The following FRY variants were observed in gnomAD, a reference collection of about 807,000 sequenced individuals.
FRY encodes the protein protein furry homolog.
In FRY, 128 loss-of-function variants were observed where a neutral mutation model predicts 348.4. That is an observed-to-expected ratio of 0.37 (90% CI 0.32 to 0.43). The LOEUF (loss-of-function observed/expected upper bound fraction) is 0.43, where lower values mean the gene tolerates loss of function less well. Among genes scored for constraint, FRY ranks in the 20% least tolerant of loss-of-function variants. The pLI is 1.00. For synonymous variants in FRY, 1,370 were observed against 1,374.7 expected, an observed-to-expected ratio of 1.00 and a Z score of 0.08; for missense variants, 2,736 against 3,695.2, an observed-to-expected ratio of 0.74 and a Z score of 6.73.
chr13:32,144,269 T>C (rs1880267553), intron 11 of FRY, among the ~76,000 whole-genome samples: 2 of 151,084 alleles, frequency 1.3e-5, no homozygotes, highest in African/African-American at 4.9e-5. Context: ...AGCCAGGTTT[T>C]TTTTTCTCCA....
chr13:32,232,549 G>A (rs1224395942), intron 41 of FRY, among the ~76,000 whole-genome samples: 1 of 152,218 alleles, frequency 6.6e-6, no homozygotes, highest in Admixed American at 6.5e-5. Context: ...CCTTCCGCTA[G>A]GTGCTTCAGG....
intron 15 of FRY, among the ~76,000 whole-genome samples, 153 bp from the exon 16 acceptor site, chr13:32,157,120 G>A (rs1296401742): frequency 6.6e-6 from 1 of 152,210 alleles, no homozygotes; most frequent in African/African-American, 2.4e-5. Context: ...TATGCTAAAA[G>A]CTGTGCAGAT....
chr13:32,180,951 C>T (rs1371641234), intron 23 of FRY, among the ~76,000 whole-genome samples: 8 of 151,990 alleles, frequency 5.3e-5, no homozygotes, highest in Admixed American at 3.3e-4. Context: ...AGTTCAGTGG[C>T]GTGATCTTGG....
intron 2 of FRY, among the ~76,000 whole-genome samples, chr13:32,097,081 A>T (rs1372704834): frequency 6.6e-6 from 1 of 152,124 alleles, no homozygotes; most frequent in Non-Finnish European, 1.5e-5. Context: ...TGGGACAAAA[A>T]TAACTTTTAG....
chr13:32,202,107 T>C lies in FRY; in HGVS notation c.3846+67T>C. 4 of 994,010 alleles carry C rather than the reference T, an allele frequency of 4.0e-6. No individual in the cohort carries two copies. The East Asian group carries it at 7.1e-5, about 18-fold the overall frequency. 61.6% of individuals were successfully genotyped at this position (994,010 alleles called of 1,614,324 possible). ...TACAGAAAATAGAAATGGTAGTTGA[T>C]TACCTAATAGCTGTTTATTGATAGG... is the stretch of plus-strand genomic sequence containing the variant. On this transcript the variant is annotated intron_variant, in intron 30 of 60. Coordinates refer to ENST00000542859, the MANE Select transcript of FRY (RefSeq NM_023037.3).
intron 31 of FRY, among the ~76,000 whole-genome samples, chr13:32,203,085 G>A (rs777156610): frequency 6.6e-6 from 1 of 152,116 alleles, no homozygotes; most frequent in Non-Finnish European, 1.5e-5. Context: ...CTAAAGCAGT[G>A]TAGGCATAAA....
chr13:32,156,840 T>TA (rs1159230308), intron 15 of FRY, among the ~76,000 whole-genome samples: 1 of 152,112 alleles, frequency 6.6e-6, no homozygotes, highest in African/African-American at 2.4e-5. Context: ...TTTATTTTAC[T>TA]AAAAAAATTC....
chr13:32,268,766 C>A (rs1888073380), intron 55 of FRY, among the ~76,000 whole-genome samples: 1 of 151,816 alleles, frequency 6.6e-6, no homozygotes, highest in Non-Finnish European at 1.5e-5. Flanking sequence ...CTCCCAGGTT[C>A]AAGCGATTCT....
At chr13:32,229,553 A>C (rs1209419921) in intron 40 of FRY, among the ~76,000 whole-genome samples, 2 of 152,246 alleles carry the variant, frequency 1.3e-5, no homozygotes, top group Non-Finnish European at 2.9e-5. Context: ...GCCTACATAC[A>C]GTATGCCTGC....
chr13:32,202,072 C>A, intron 30 of FRY, 32 bp downstream of exon 30: 2 of 1,207,900 alleles, frequency 1.7e-6, no homozygotes, highest in South Asian at 1.2e-5. Flanking sequence ...AGAAAATATC[C>A]ATCCTTGAGT....
rs750860531 is a variant in FRY, at chr13:32,149,886, T to A, written c.1479+52T>A. On this transcript the variant is annotated intron_variant, in intron 14 of 60. Transcript: ENST00000542859. ...TAACAGAGCATGTCTTCCGGAGCCA[T>A]ACCTTTGCTTTGCGGCTTTGGAGAA... is the stretch of plus-strand genomic sequence containing the variant. The A allele has an allele frequency of 2.7e-6, 3 of 1,124,568 alleles. No homozygotes were observed. In the African/African-American group the frequency reaches 4.6e-5, roughly 17 times the overall value. 69.7% of individuals were successfully genotyped at this position (1,124,568 alleles called of 1,614,324 possible).
intron 19 of FRY, among the ~76,000 whole-genome samples, chr13:32,173,824 T>A (rs1208595907): frequency 6.6e-6 from 1 of 152,244 alleles, no homozygotes; most frequent in Non-Finnish European, 1.5e-5. Context: ...AGGCTATGAA[T>A]CATTTCCTTC....
chr13:32,179,114 ACTGTGC>A (rs1195938235), intron 22 of FRY, 81 bp downstream of exon 22: 10 of 1,024,322 alleles, frequency 9.8e-6, no homozygotes, highest in Non-Finnish European at 1.5e-5. Flanking sequence ...TGCAAATTGC[ACTGTGC>A]CTGCCATCTG....
At chr13:32,209,191 A>G (rs1021655006) in intron 32 of FRY, 82 bp downstream of exon 32, 1 of 1,472,358 alleles carries the variant, frequency 6.8e-7, no homozygotes, top group Non-Finnish European at 9.5e-7. Flanking sequence ...CCCGGGGAAA[A>G]TGGGATTCCT....
chr13:32,217,109 T>TG (rs1310069017), intron 35 of FRY, among the ~76,000 whole-genome samples: 1 of 152,218 alleles, frequency 6.6e-6, no homozygotes, highest in Admixed American at 6.5e-5. Flanking sequence ...GCAATAGCCC[T>TG]GCACCTTCCA....
Position 32,239,987 on chromosome 13 carries a change from C to A in FRY, c.6687+106C>A. ...CCTCCTGCCTTCGCCTCCCAGAGTG[C>A]TAGGATTACAGGCGTGGGCCACCAT... On this transcript the variant is annotated intron_variant, in intron 46 of 60. Coordinates refer to ENST00000542859, the MANE Select transcript of FRY (RefSeq NM_023037.3). This position sits in a 1 kb window ranked among gnomAD's most constrained non-coding sequence, Gnocchi z 4.3. 1.1e-6 allele frequency: 1 copy of A among 932,564 alleles called. No individual in the cohort carries two copies. The highest frequency in any genetic ancestry group is 1.7e-6 in the Non-Finnish European group (1 of 602,404). 57.8% of individuals were successfully genotyped at this position (932,564 alleles called of 1,614,324 possible). A position where few individuals can be genotyped will look rare whatever the true frequency, so the allele number is the denominator to read the frequency against.
intron 55 of FRY, among the ~76,000 whole-genome samples, chr13:32,268,499 AAAAAAAAT>A (rs1263539425): frequency 9.1e-3 from 145 of 15,948 alleles, no homozygotes; most frequent in East Asian, 0.066. Context: ...AAAAAAAAAA[AAAAAAAAT>A]ATATATATAT....
intron 46 of FRY, among the ~76,000 whole-genome samples, chr13:32,242,782 A>G (rs944381137): frequency 1.3e-5 from 2 of 152,016 alleles, no homozygotes; most frequent in African/African-American, 4.8e-5. Flanking sequence ...TGATCCACCC[A>G]CCTCAGCCTC....
intron 4 of FRY, among the ~76,000 whole-genome samples, chr13:32,120,387 T>G (rs746854493): frequency 6.6e-6 from 1 of 152,066 alleles, no homozygotes; most frequent in African/African-American, 2.4e-5. Flanking sequence ...AATCAGTGTG[T>G]TAGTCAAGCA....
Sources: allele counts gnomAD v4.1 joint callset (sites outside exome capture counted in the v4.1 genomes callset), GRCh38; gene constraint gnomAD v4.1.1; non-coding constraint Gnocchi (gnomAD v3.1); transcripts MANE v1.5; gene names NCBI Gene and HGNC (gene_info 2026-07-23, HGNC 2026-07-21).